Variants in LACTBL1 observed in about 807,000 individuals in gnomAD.
LACTBL1 encodes beta-lactamase-like protein 1.
Under a neutral mutation model 39.6 loss-of-function variants are expected in LACTBL1, and 29 were observed. The observed-to-expected ratio is 0.73, with a 90% CI of 0.55 to 1.00. The LOEUF (loss-of-function observed/expected upper bound fraction) is 1.00, where lower values mean the gene tolerates loss of function less well. Among genes scored for constraint, LACTBL1 ranks in the 50% least tolerant of loss-of-function variants. The pLI is 0.00. For synonymous variants in LACTBL1, 361 were observed against 360.7 expected, an observed-to-expected ratio of 1.00 and a Z score of -0.01; for missense variants, 711 against 748.5, an observed-to-expected ratio of 0.95 and a Z score of 0.59.
chr1:22,967,567 TACAC>T (rs149065665), upstream of LACTBL1, among the ~76,000 whole-genome samples: 1 of 148,396 alleles, frequency 6.7e-6, no homozygotes, highest in African/African-American at 2.5e-5. Flanking sequence ...TCCATATATA[TACAC>T]ACACACACAC....
At chr1:22,963,291 C>T in intron 1 of LACTBL1, 75 bp from the exon 4 acceptor site, 2 of 824,040 alleles carry the variant, frequency 2.4e-6, no homozygotes, top group Non-Finnish European at 3.4e-6. Flanking sequence ...GCAGCAAAGG[C>T]CAGAGCAGTG....
exon 6 of LACTBL1, chr1:22,953,703 C>G: frequency 4.5e-6 from 6 of 1,321,596 alleles, no homozygotes; most frequent in Non-Finnish European, 5.8e-6. Flanking sequence ...CCAGCAGCGT[C>G]TTGGCCGCGT....
exon 6 of LACTBL1, chr1:22,953,190 C>T (rs1640720600): frequency 2.4e-6 from 3 of 1,232,162 alleles, no homozygotes; most frequent in Non-Finnish European, 2.0e-6. Context: ...GCGAGAGCCA[C>T]GCGTCGCCGA....
rs1640728148 is a variant in LACTBL1, at chr1:22,953,503, C to G, written c.1181G>C (p.Gly394Ala). 11 of 1,232,526 alleles carry G rather than the reference C, an allele frequency of 8.9e-6. No individual in the cohort carries two copies. In the South Asian group the frequency reaches 4.4e-4, roughly 50 times the overall value. 76.3% of individuals were successfully genotyped at this position (1,232,526 alleles called of 1,614,324 possible). A position where few individuals can be genotyped will look rare whatever the true frequency, so the allele number is the denominator to read the frequency against. The change falls in exon 6 of 6, where the codon GGG (glycine) becomes GCG (alanine). Residue 394 changes from glycine (G) to alanine (A), a missense_variant. By Grantham distance (60) the Gly-to-Ala change is moderately conservative (BLOSUM62 0). Coordinates refer to ENST00000426928, the Ensembl canonical transcript of LACTBL1. ...GTAGGCCCGCGCCACCAGGTCGGGC[C>G]CGGGCGGCCGTGGCCCTGCCAGCAG... is the stretch of plus-strand genomic sequence containing the variant.
chr1:22,969,977 G>A (rs1442409224), upstream of LACTBL1, among the ~76,000 whole-genome samples: 1 of 152,156 alleles, frequency 6.6e-6, no homozygotes, highest in Admixed American at 6.5e-5. Flanking sequence ...AAAGACTTGG[G>A]TTCAAATCTT....
At chr1:22,968,045 C>T (rs1640901087), upstream of LACTBL1, among the ~76,000 whole-genome samples, 3 of 152,122 alleles carry the variant, frequency 2.0e-5, no homozygotes, top group Admixed American at 6.5e-5. Context: ...TAATTATGCA[C>T]GTGTTTATTC....
chr1:22,963,079 C>A, intron 2 of LACTBL1, 28 bp downstream of exon 4: 1 of 1,230,228 alleles, frequency 8.1e-7, no homozygotes, highest in Non-Finnish European at 1.0e-6. Context: ...AGCCCATATG[C>A]CCAGTTTCCT....
chr1:22,955,489 G>A (rs947805841), intron 4 of LACTBL1, 63 bp from the exon 7 acceptor site: 15 of 1,054,578 alleles, frequency 1.4e-5, no homozygotes, highest in African/African-American at 3.1e-5. Flanking sequence ...GGGCCCCTGG[G>A]TGCACTCCCT....
chr1:22,960,617 CAAAAAAAAAA>C (rs35006759), intron 2 of LACTBL1, among the ~76,000 whole-genome samples: 7 of 38,008 alleles, frequency 1.8e-4, no homozygotes, highest in South Asian at 1.2e-3. Context: ...AACTCCGTCT[CAAAAAAAAAA>C]AAAAAAAAAA....
At chr1:22,960,192 G>T in intron 2 of LACTBL1, 93 bp from the exon 5 acceptor site, 1 of 1,435,544 alleles carries the variant, frequency 7.0e-7, no homozygotes, top group Non-Finnish European at 9.4e-7. Flanking sequence ...GTCACACCCT[G>T]CATGCAGCAC....
At chr1:22,959,873 A>G in intron 3 of LACTBL1, 69 bp downstream of exon 5, 1 of 1,511,966 alleles carries the variant, frequency 6.6e-7, no homozygotes, top group Non-Finnish European at 8.9e-7. Flanking sequence ...CAGTATCCTT[A>G]CCTCCTAGGT....
At chr1:22,960,202 C>T in intron 2 of LACTBL1, 103 bp from the exon 5 acceptor site, 7 of 1,343,050 alleles carry the variant, frequency 5.2e-6, no homozygotes, top group Non-Finnish European at 7.1e-6. Context: ...GCATGCAGCA[C>T]CCCAGTGAGC....
At chr1:22,953,651 T>A (rs1028001166) in exon 6 of LACTBL1, 3 of 1,270,974 alleles carry the variant, frequency 2.4e-6, no homozygotes, top group Non-Finnish European at 3.0e-6. Context: ...GGCGTGCCCG[T>A]CTCGTTGGCG....
At chr1:22,960,390 C>T (rs1570500561) in intron 2 of LACTBL1, among the ~76,000 whole-genome samples, 2 of 152,122 alleles carry the variant, frequency 1.3e-5, no homozygotes, top group African/African-American at 2.4e-5. Context: ...CCAAGGCGGG[C>T]AGATCACCTG....
At chr1:22,969,149 G>A (rs1187649755), upstream of LACTBL1, among the ~76,000 whole-genome samples, 1 of 152,122 alleles carries the variant, frequency 6.6e-6, no homozygotes. Context: ...TATCAGTATT[G>A]TCTTTTTGGT....
chr1:22,972,036 G>T, the LACTBL1 span, among the ~76,000 whole-genome samples: 1 of 152,092 alleles, frequency 6.6e-6, no homozygotes, highest in African/African-American at 2.4e-5. Context: ...GGCCTCTGGG[G>T]ATGTAAAAAG....
chr1:22,961,520 C>T (rs550754880), intron 2 of LACTBL1, among the ~76,000 whole-genome samples: 3 of 151,916 alleles, frequency 2.0e-5, no homozygotes, highest in East Asian at 2.0e-4. Context: ...TATGCCACCA[C>T]GTGTGGCTAA....
exon 6 of LACTBL1, chr1:22,953,898 G>C (rs897048869): frequency 6.5e-7 from 1 of 1,550,106 alleles, no homozygotes; most frequent in Admixed American, 2.0e-5. Context: ...TGAGGTCAAA[G>C]CCCGTGTCTG....
exon 6 of LACTBL1, chr1:22,953,887 G>C (rs1345499742): frequency 2.6e-6 from 4 of 1,549,830 alleles, no homozygotes; most frequent in Admixed American, 2.0e-5. Context: ...CACGTCGGGC[G>C]TGAGGTCAAA....
Sources: allele counts gnomAD v4.1 joint callset (sites outside exome capture counted in the v4.1 genomes callset), GRCh38; gene constraint gnomAD v4.1.1; transcripts MANE v1.5; gene names NCBI Gene and HGNC (gene_info 2026-07-23, HGNC 2026-07-21).